Variants in DGKA observed in about 807,000 individuals in gnomAD.
DGKA encodes 80 kDa diacylglycerol kinase.
A neutral mutation model predicts 105.0 loss-of-function variants in DGKA; 35 were observed. The ratio of observed to expected loss-of-function variants is 0.33; its 90% CI spans 0.25 to 0.44. The LOEUF (loss-of-function observed/expected upper bound fraction) is 0.44. Among genes scored for constraint, DGKA ranks in the 20% least tolerant of loss-of-function variants. The pLI, the probability that DGKA is intolerant of heterozygous loss-of-function variation, is 1.00. For missense variants in DGKA, 665 were observed against 915.0 expected (o/e 0.73, Z 3.53); for synonymous variants, 296 against 332.0 (o/e 0.89, Z 1.18).
At chr12:55,941,443 G>A in intron 14 of DGKA, 67 bp from the exon 15 acceptor site, 4 of 1,590,884 alleles carry the variant, frequency 2.5e-6, no homozygotes, top group Non-Finnish European at 3.4e-6. Context: ...ACACAAAGAG[G>A]GTGAGGTTCA....
chr12:55,928,160 C>A (rs1263770698), upstream of DGKA: 2 of 204,794 alleles, frequency 9.8e-6, no homozygotes, highest in South Asian at 1.4e-4. Flanking sequence ...AACTTGTTTC[C>A]CCTACAGCCT....
At chr12:55,939,725 A>T (rs775913502) in intron 9 of DGKA, 196 bp downstream of exon 9, 2 of 622,858 alleles carry the variant, frequency 3.2e-6, no homozygotes, top group Non-Finnish European at 5.6e-6. Flanking sequence ...TGTGAGCATT[A>T]AAAAAGTTGG....
upstream of DGKA, chr12:55,928,063 A>C: frequency 2.3e-6 from 1 of 437,626 alleles, no homozygotes; most frequent in Non-Finnish European, 4.1e-6. Flanking sequence ...CCTGCGCCGT[A>C]CCTCCCTATT....
In DGKA at chr12:55,940,474, G is replaced by C. The variant is rs73336393; in HGVS notation, c.918+41G>C. The C allele has an allele frequency of 6.2e-7, 1 of 1,608,180 alleles. No individual in the cohort carries two copies. The highest frequency in any genetic ancestry group is 1.3e-5 in the African/African-American group (1 of 74,826). The stretch of plus-strand genomic sequence containing the variant: ...ATCCCTTCTGGGTGCGTCTTACCCC[G>C]CAGAGCTGCCTTCTCCACGGGCCTC... On this transcript the variant is annotated intron_variant, in intron 11 of 23. Transcript: ENST00000331886. This position sits in a 1 kb window ranked among gnomAD's most constrained non-coding sequence, Gnocchi z 4.3.
intron 17 of DGKA, among the ~76,000 whole-genome samples, chr12:55,945,933 G>A (rs1886901323): frequency 6.6e-6 from 1 of 151,800 alleles, no homozygotes. Context: ...GGGCTTACAA[G>A]CCTATGCCAA....
rs1439243492 is a variant in DGKA, at chr12:55,953,832, C to T, written c.*64C>T. 9.0e-6 allele frequency: 13 copies of T among 1,449,986 alleles called. No individual in the cohort carries two copies. The highest frequency in any genetic ancestry group is 2.8e-5 in the African/African-American group (2 of 71,612). The allele number at this position is 1,449,986 out of a possible 1,614,324, so 89.8% of individuals were successfully genotyped here. On this transcript the variant is annotated 3_prime_UTR_variant, in exon 24 of 24. Coordinates refer to ENST00000331886, the MANE Select transcript of DGKA (RefSeq NM_001345.5). ...CCTCCCTGTCCCTGGACTCTACTCC[C>T]GAGGCTCTGTACATTGCTGCCACAT...
chr12:55,949,386 A>G (rs561534101), intron 17 of DGKA, among the ~76,000 whole-genome samples: 35 of 152,274 alleles, frequency 2.3e-4, no homozygotes, highest in Non-Finnish European at 4.1e-4. Flanking sequence ...TTTAGCAGAG[A>G]CAGGGTTTCA....
At chr12:55,933,877 T>C (rs1451390580) in intron 1 of DGKA, among the ~76,000 whole-genome samples, 3 of 152,214 alleles carry the variant, frequency 2.0e-5, no homozygotes, top group African/African-American at 4.8e-5. Flanking sequence ...GTAATAATGA[T>C]AATAGCTGAT....
intron 17 of DGKA, among the ~76,000 whole-genome samples, chr12:55,948,867 C>A (rs1157354823): frequency 6.7e-6 from 1 of 150,176 alleles, no homozygotes; most frequent in Non-Finnish European, 1.5e-5. Flanking sequence ...ACTAAAAATA[C>A]AAAAAATTAG....
At chr12:55,953,258 T>C (rs1888522640) in intron 22 of DGKA, 92 bp from the exon 23 acceptor site, 1 of 1,610,126 alleles carries the variant, frequency 6.2e-7, no homozygotes, top group African/African-American at 1.3e-5. Context: ...TAGATCTCCC[T>C]CAATGACAAA....
At chr12:55,948,229 G>A (rs897624034) in intron 17 of DGKA, among the ~76,000 whole-genome samples, 2 of 150,584 alleles carry the variant, frequency 1.3e-5, no homozygotes, top group East Asian at 2.0e-4. Flanking sequence ...GTGAAACCCC[G>A]TCTCTACTAA....
Position 55,940,874 on chromosome 12 carries a change from C to A in DGKA, c.1018-23C>A, listed in dbSNP as rs1333348639. On this transcript the variant is annotated intron_variant, in intron 12 of 23. Transcript: ENST00000331886. The surrounding 1 kb of genome is among the most constrained non-coding windows in gnomAD (Gnocchi z 4.3). Reference sequence around the variant, plus strand: ...TTCATGCACAATACAGCTTTTCTTCCCTCTACTTTCTTCCCCTCCCAGGCC... The same window carrying A: ...TTCATGCACAATACAGCTTTTCTTCACTCTACTTTCTTCCCCTCCCAGGCC... 1 of 1,612,818 alleles carries A rather than the reference C, an allele frequency of 6.2e-7. No homozygotes were observed. The highest frequency in any genetic ancestry group is 8.5e-7 in the Non-Finnish European group (1 of 1,179,012).
chr12:55,936,376 C>A lies in DGKA; in HGVS notation c.-81-47C>A. 3 of 1,456,752 alleles carry A rather than the reference C, an allele frequency of 2.1e-6. No individual in the cohort carries two copies. The South Asian group carries it at 4.4e-5, about 21-fold the overall frequency. 90.2% of individuals were successfully genotyped at this position (1,456,752 alleles called of 1,614,324 possible). On this transcript the variant is annotated intron_variant, in intron 1 of 23. Coordinates refer to ENST00000331886, the MANE Select transcript of DGKA (RefSeq NM_001345.5). ...ATGGAACAGACAGAAGAAAAGACACCCAGACAGCTGGCTCTTCCCACTGTA... is the reference window on the plus strand; with the variant it reads ...ATGGAACAGACAGAAGAAAAGACACACAGACAGCTGGCTCTTCCCACTGTA...
At chr12:55,928,307 A>AC, upstream of DGKA, 1 of 152,598 alleles carries the variant, frequency 6.6e-6, no homozygotes, top group Non-Finnish European at 1.5e-5. Context: ...GTCCAGCAGT[A>AC]CCCCTGGAAC....
chr12:55,927,766 G>T, upstream of DGKA: 2 of 1,538,908 alleles, frequency 1.3e-6, no homozygotes, highest in Non-Finnish European at 8.7e-7. Flanking sequence ...TTCCATGGCC[G>T]AAGAGGCAGC....
chr12:55,930,069 A>G (rs1026582146), upstream of DGKA, among the ~76,000 whole-genome samples: 2 of 152,206 alleles, frequency 1.3e-5, no homozygotes, highest in Non-Finnish European at 1.5e-5. Flanking sequence ...CAGGGACAGA[A>G]AACTGATAGG....
chr12:55,953,472 A>G, intron 23 of DGKA, 62 bp downstream of exon 23: 1 of 1,542,808 alleles, frequency 6.5e-7, no homozygotes, highest in Non-Finnish European at 9.0e-7. Flanking sequence ...CTAAATCCCC[A>G]TTCCACAGCT....
intron 17 of DGKA, 121 bp from the exon 18 acceptor site, chr12:55,951,502 A>C: frequency 9.8e-7 from 1 of 1,021,102 alleles, no homozygotes; most frequent in Non-Finnish European, 1.4e-6. Flanking sequence ...GTCACTGGCT[A>C]GGGCTGGGAG....
rs565312402 is a variant in DGKA, at chr12:55,939,052, C to T, written c.474+63C>T. ...TCTTCCCTGGTGAGTCCTGCATCTG[C>T]CTTACTTCATCTCTGACAGGCAACC... On this transcript the variant is annotated intron_variant, in intron 7 of 23. Coordinates refer to ENST00000331886, the MANE Select transcript of DGKA (RefSeq NM_001345.5). 436 of 1,609,846 alleles carry T rather than the reference C, an allele frequency of 2.7e-4. 1 individual carries two copies. The highest frequency in any genetic ancestry group is 3.6e-4 in the Non-Finnish European group (429 of 1,176,678).
Sources: allele counts gnomAD v4.1 joint callset (sites outside exome capture counted in the v4.1 genomes callset), GRCh38; gene constraint gnomAD v4.1.1; non-coding constraint Gnocchi (gnomAD v3.1); transcripts MANE v1.5; gene names NCBI Gene and HGNC (gene_info 2026-07-23, HGNC 2026-07-21).